The following CA8 variants were observed in gnomAD, a reference collection of about 807,000 sequenced individuals.
The protein encoded by CA8 is carbonic anhydrase 8 (inactive), also known as carbonic anhydrase-related protein.
A neutral mutation model predicts 41.4 loss-of-function variants in CA8; 22 were observed. The observed-to-expected ratio is 0.53, with a 90% CI of 0.38 to 0.76. CA8 has a LOEUF of 0.76. Ranked by LOEUF, CA8 falls within the 30% of genes least tolerant of loss-of-function variation. The pLI, the probability that CA8 is intolerant of heterozygous loss-of-function variation, is 0.00. For synonymous variants in CA8, 121 were observed against 130.6 expected, an observed-to-expected ratio of 0.93 and a Z score of 0.50; for missense variants, 270 against 352.8, an observed-to-expected ratio of 0.77 and a Z score of 1.88.
chr8:60,273,241 G>C (rs1804125964), intron 2 of CA8, among the ~76,000 whole-genome samples: 2 of 152,368 alleles, frequency 1.3e-5, no homozygotes, highest in South Asian at 4.1e-4. Flanking sequence ...GTATTTGAAA[G>C]TGGAAGTATA....
intron 7 of CA8, among the ~76,000 whole-genome samples, chr8:60,215,097 C>A (rs1268701667): frequency 6.6e-6 from 1 of 152,050 alleles, no homozygotes; most frequent in African/African-American, 2.4e-5. Context: ...TACCATAATA[C>A]CCTGTTCTAT....
At chr8:60,274,345 A>G (rs1202884863) in intron 2 of CA8, among the ~76,000 whole-genome samples, 1 of 152,178 alleles carries the variant, frequency 6.6e-6, no homozygotes, top group Non-Finnish European at 1.5e-5. Flanking sequence ...TGCCCAAAAT[A>G]ATGGGCGGCG....
intron 2 of CA8, among the ~76,000 whole-genome samples, chr8:60,278,510 A>G (rs1368388299): frequency 6.6e-6 from 1 of 152,258 alleles, no homozygotes; most frequent in African/African-American, 2.4e-5. Flanking sequence ...TCAGCATTCA[A>G]TAATTTTACA....
chr8:60,200,176 C>T (rs1806382332), intron 8 of CA8, among the ~76,000 whole-genome samples: 1 of 152,234 alleles, frequency 6.6e-6, no homozygotes, highest in African/African-American at 2.4e-5. Context: ...TTCTACAAAA[C>T]AAGAAGTGGG....
chr8:60,261,187 T>A (rs1803721548), intron 3 of CA8, among the ~76,000 whole-genome samples: 1 of 152,196 alleles, frequency 6.6e-6, no homozygotes, highest in Non-Finnish European at 1.5e-5. Flanking sequence ...AATATTTTTG[T>A]TGGCCTATTT....
intron 8 of CA8, among the ~76,000 whole-genome samples, chr8:60,204,783 C>T (rs1806530213): frequency 1.3e-5 from 2 of 152,152 alleles, no homozygotes; most frequent in African/African-American, 4.8e-5. Context: ...AGAGGAGAGT[C>T]CAAGTTCTAC....
intron 1 of CA8, among the ~76,000 whole-genome samples, chr8:60,280,458 G>A (rs993019242): frequency 1.3e-5 from 2 of 152,064 alleles, no homozygotes; most frequent in African/African-American, 4.8e-5. Flanking sequence ...AGCACTACTG[G>A]TTGGCTCTAA....
chr8:60,229,325 T>C (rs867413232), intron 4 of CA8, among the ~76,000 whole-genome samples: 5 of 152,322 alleles, frequency 3.3e-5, no homozygotes, highest in South Asian at 4.1e-4. Flanking sequence ...GCCTTTCAAG[T>C]GGACGCCATG....
intron 7 of CA8, among the ~76,000 whole-genome samples, chr8:60,213,553 GCCA>G (rs1806914135): frequency 6.6e-6 from 1 of 152,210 alleles, no homozygotes; most frequent in Non-Finnish European, 1.5e-5. Context: ...GGCCCACATG[GCCA>G]CCAAGCACTC....
At chr8:60,272,305 TCA>T (rs1379970851) in intron 2 of CA8, among the ~76,000 whole-genome samples, 1 of 152,098 alleles carries the variant, frequency 6.6e-6, no homozygotes, top group East Asian at 1.9e-4. Flanking sequence ...TCAAACTGGC[TCA>T]CACTCTCTCC....
Position 60,281,329 on chromosome 8 carries a change from C to A in CA8, c.-182G>T. 1 of 601,920 alleles carries A rather than the reference C, an allele frequency of 1.7e-6. No homozygotes were observed. 37.3% of individuals were successfully genotyped at this position (601,920 alleles called of 1,614,324 possible). ...GAGTGCAAGCAGGCGTGCGTTCGGACCGAGTGTTCCAGAGACCCGCGTGGG... is the reference window on the plus strand; with the variant it reads ...GAGTGCAAGCAGGCGTGCGTTCGGAACGAGTGTTCCAGAGACCCGCGTGGG... On this transcript the variant is annotated 5_prime_UTR_variant, in exon 1 of 9. Transcript: ENST00000317995.
At chr8:60,278,115 T>C (rs948185762) in intron 2 of CA8, among the ~76,000 whole-genome samples, 1 of 100,214 alleles carries the variant, frequency 1.0e-5, no homozygotes, top group East Asian at 2.5e-4. Flanking sequence ...AGGCAGAAGA[T>C]TAAAGAAAAT....
intron 3 of CA8, among the ~76,000 whole-genome samples, chr8:60,254,831 A>G (rs1310296767): frequency 6.6e-6 from 1 of 152,216 alleles, no homozygotes; most frequent in Non-Finnish European, 1.5e-5. Context: ...ATCCCTGTTT[A>G]CCAAACCCTA....
At chr8:60,205,028 C>T (rs560367722) in intron 8 of CA8, among the ~76,000 whole-genome samples, 32 of 152,140 alleles carry the variant, frequency 2.1e-4, no homozygotes, top group African/African-American at 7.5e-4. Flanking sequence ...TTATTAACCG[C>T]AAAAGTACAA....
chr8:60,215,889 T>C (rs980771188), intron 7 of CA8, among the ~76,000 whole-genome samples: 2 of 152,216 alleles, frequency 1.3e-5, no homozygotes, highest in African/African-American at 4.8e-5. Flanking sequence ...CTAGTGCCAA[T>C]ACTATTATCC....
intron 3 of CA8, among the ~76,000 whole-genome samples, chr8:60,242,810 G>A (rs7012792): frequency 0.014 from 2,186 of 152,286 alleles, 55 homozygotes; most frequent in African/African-American, 0.05. Context: ...CAGAGAAGTG[G>A]GAGGTTCTCT....
intron 5 of CA8, among the ~76,000 whole-genome samples, chr8:60,225,073 T>A (rs1807381108): frequency 6.6e-6 from 1 of 152,054 alleles, no homozygotes; most frequent in Admixed American, 6.6e-5. Flanking sequence ...GGATCTATGC[T>A]AGATGCTCTC....
At chr8:60,240,260 G>A (rs991847114) in intron 3 of CA8, among the ~76,000 whole-genome samples, 1 of 152,150 alleles carries the variant, frequency 6.6e-6, no homozygotes, top group Non-Finnish European at 1.5e-5. Context: ...AAGAGACTTT[G>A]GACCTATTGT....
At chr8:60,208,684 T>A (rs574267507) in intron 8 of CA8, 66 bp downstream of exon 8, 18 of 1,314,964 alleles carry the variant, frequency 1.4e-5, no homozygotes. Flanking sequence ...TCACAATAAG[T>A]GTACCTTTGG....
Sources: gnomAD v4.1 joint callset for allele counts (sites outside exome capture counted in the v4.1 genomes callset) on GRCh38, gnomAD v4.1.1 for gene constraint, MANE v1.5 for transcripts, NCBI Gene and HGNC (gene_info 2026-07-23, HGNC 2026-07-21) for gene names.